CNIH3: variants seen among roughly 807,000 people sequenced by gnomAD.
CNIH3 encodes protein cornichon homolog 3.
CNIH3 carries 14 observed loss-of-function variants against 24.1 expected under a neutral mutation model. The observed-to-expected ratio is 0.58, with a 90% CI of 0.38 to 0.91. The LOEUF (loss-of-function observed/expected upper bound fraction) is 0.91, where lower values mean the gene tolerates loss of function less well. CNIH3 is among the 40% of genes least tolerant of loss of function. The probability of loss-of-function intolerance (pLI) is 0.00; values close to 1 mark genes in which losing one functional copy is unlikely to be tolerated. For synonymous variants in CNIH3, 68 were observed against 73.8 expected (o/e 0.92, Z 0.40); for missense variants, 178 against 196.8 (o/e 0.90, Z 0.57).
chr1:224,546,456 C>A (rs771536773), intron 2 of CNIH3, among the ~76,000 whole-genome samples: 2 of 152,138 alleles, frequency 1.3e-5, no homozygotes, highest in Admixed American at 6.6e-5. Context: ...GACAGCCCAG[C>A]ACGTTGTAGT....
chr1:224,607,504 G>A (rs1056135001), intron 3 of CNIH3, among the ~76,000 whole-genome samples: 1 of 152,158 alleles, frequency 6.6e-6, no homozygotes. Context: ...GGAGAGGTGG[G>A]GAAAGAGTCA....
At chr1:224,646,176 G>A (rs1349117345) in intron 1 of CNIH3, among the ~76,000 whole-genome samples, 3 of 151,180 alleles carry the variant, frequency 2.0e-5, no homozygotes, top group South Asian at 2.1e-4. Context: ...TCAAGGTCAC[G>A]TTTGATTGGA....
At chr1:224,556,832 C>T (rs1480254764) in intron 3 of CNIH3, among the ~76,000 whole-genome samples, 1 of 152,138 alleles carries the variant, frequency 6.6e-6, no homozygotes, top group South Asian at 2.1e-4. Flanking sequence ...GGTTGGGGAT[C>T]CCTGGTCTAG....
At chr1:224,530,642 C>G (rs1482968872) in intron 2 of CNIH3, among the ~76,000 whole-genome samples, 1 of 151,662 alleles carries the variant, frequency 6.6e-6, no homozygotes, top group East Asian at 1.9e-4. Flanking sequence ...GCTCTGTCGC[C>G]AGACTGGAGT....
At chr1:224,495,355 A>G (rs1677396134) in intron 1 of CNIH3, among the ~76,000 whole-genome samples, 1 of 152,208 alleles carries the variant, frequency 6.6e-6, no homozygotes, top group Non-Finnish European at 1.5e-5. Flanking sequence ...ATTTTTTACT[A>G]CAAGATCAAT....
chr1:224,523,301 A>G (rs1678716298), intron 2 of CNIH3, among the ~76,000 whole-genome samples: 1 of 152,154 alleles, frequency 6.6e-6, no homozygotes, highest in African/African-American at 2.4e-5. Flanking sequence ...AAACCTAAAT[A>G]CCCATCAACA....
At chr1:224,632,848 G>C (rs1683893700) in intron 1 of CNIH3, among the ~76,000 whole-genome samples, 1 of 152,162 alleles carries the variant, frequency 6.6e-6, no homozygotes, top group Non-Finnish European at 1.5e-5. Context: ...CCTCTTATTG[G>C]TTGGCAGTTT....
At chr1:224,434,719 G>C (rs1317307041) in exon 1 of CNIH3, 1 of 968,248 alleles carries the variant, frequency 1.0e-6, no homozygotes, top group Non-Finnish European at 1.2e-6. Context: ...CGGCAGCGGA[G>C]GCAGCTGCCG....
chr1:224,569,425 A>G (rs1187713614), intron 4 of CNIH3, among the ~76,000 whole-genome samples: 2 of 152,292 alleles, frequency 1.3e-5, no homozygotes, highest in East Asian at 3.9e-4. Flanking sequence ...ATTCATTCAG[A>G]TGTGGATGAA....
downstream of CNIH3, among the ~76,000 whole-genome samples, chr1:224,589,471 G>A (rs556524576): frequency 6.6e-6 from 1 of 152,342 alleles, no homozygotes; most frequent in Non-Finnish European, 1.5e-5. Flanking sequence ...TTTGTTCTGA[G>A]TGAGCTGCAG....
chr1:224,739,295 C>CTTTTTT (rs11342205), intron 5 of CNIH3, 34 bp from the exon 6 acceptor site: 407 of 1,342,420 alleles, frequency 3.0e-4, no homozygotes, highest in South Asian at 1.3e-3. Context: ...ACCTTCCTCT[C>CTTTTTT]TTTTTTTTTT....
rs1348227816 is a variant in CNIH3 at position 224,667,897 on chromosome 1, T to C, written c.82-13061T>C. On this transcript the variant is annotated intron_variant, in intron 1 of 5. Transcript: ENST00000272133. The stretch of plus-strand genomic sequence containing the variant: ...TGGTCAAGTCTGTGTCTCTCACTGG[T>C]AGCGTGGATAGACAAAGTATAGTGG... 5.3e-5 allele frequency among the ~76,000 whole-genome samples: 8 copies of C among 152,174 alleles called. 1 individual carries two copies. The East Asian group carries it at 1.5e-3, about 29-fold the overall frequency.
chr1:224,462,311 C>G (rs1675948721), intron 1 of CNIH3, among the ~76,000 whole-genome samples: 1 of 152,146 alleles, frequency 6.6e-6, no homozygotes, highest in African/African-American at 2.4e-5. Flanking sequence ...AGTAGTTTCA[C>G]TGCCCTAAAA....
intron 3 of CNIH3, among the ~76,000 whole-genome samples, chr1:224,715,076 C>G (rs888331497): frequency 6.6e-6 from 1 of 152,200 alleles, no homozygotes; most frequent in Admixed American, 6.5e-5. Flanking sequence ...CTCCCTAGTT[C>G]CTGCCCTCTT....
At chr1:224,475,585 CATA>C (rs1438160983) in intron 1 of CNIH3, among the ~76,000 whole-genome samples, 1 of 152,064 alleles carries the variant, frequency 6.6e-6, no homozygotes, top group African/African-American at 2.4e-5. Flanking sequence ...AGATTGAAGC[CATA>C]ATAAAAATTT....
At chr1:224,665,373 G>A (rs1007000090) in intron 1 of CNIH3, among the ~76,000 whole-genome samples, 3 of 152,060 alleles carry the variant, frequency 2.0e-5, no homozygotes, top group Non-Finnish European at 4.4e-5. Context: ...ACTACTGAAG[G>A]GTTTATGAAA....
At chr1:224,470,283 G>A (rs1481355257) in intron 1 of CNIH3, among the ~76,000 whole-genome samples, 2 of 148,296 alleles carry the variant, frequency 1.3e-5, no homozygotes. Flanking sequence ...CTCCCGAAGT[G>A]TTGGGATTAC....
At chr1:224,713,351 G>T (rs1320292386) in intron 3 of CNIH3, among the ~76,000 whole-genome samples, 1 of 152,172 alleles carries the variant, frequency 6.6e-6, no homozygotes, top group African/African-American at 2.4e-5. Context: ...TATTGTTATT[G>T]ACACCTCAGC....
At chr1:224,602,716 C>T (rs1341637149) in intron 3 of CNIH3, among the ~76,000 whole-genome samples, 2 of 152,166 alleles carry the variant, frequency 1.3e-5, no homozygotes, top group African/African-American at 4.8e-5. Context: ...CTTTGAATTT[C>T]AGCCTATATA....
Sources: allele counts gnomAD v4.1 joint callset (sites outside exome capture counted in the v4.1 genomes callset), GRCh38; gene constraint gnomAD v4.1.1; transcripts MANE v1.5; gene names NCBI Gene and HGNC (gene_info 2026-07-23, HGNC 2026-07-21).